The following TMIGD3 variants were observed in gnomAD, a reference collection of about 807,000 sequenced individuals.
The protein encoded by TMIGD3 is AD026 protein (AD026).
Under a neutral mutation model 28.1 loss-of-function variants are expected in TMIGD3, and 21 were observed. The observed-to-expected ratio is 0.75, with a 90% CI of 0.53 to 1.08. TMIGD3 has a LOEUF of 1.08. TMIGD3 is among the 50% of genes least tolerant of loss of function. The pLI, the probability that TMIGD3 is intolerant of heterozygous loss-of-function variation, is 0.00. For synonymous variants in TMIGD3, 151 were observed against 162.1 expected, an observed-to-expected ratio of 0.93 and a Z score of 0.52; for missense variants, 416 against 435.6, an observed-to-expected ratio of 0.96 and a Z score of 0.40.
At chr1:111,549,149 T>C (rs1657151958) in intron 1 of TMIGD3, among the ~76,000 whole-genome samples, 1 of 152,168 alleles carries the variant, frequency 6.6e-6, no homozygotes, top group African/African-American at 2.4e-5. Context: ...CTTTTCCCTG[T>C]TGTCTTTGTC....
intron 4 of TMIGD3, 89 bp from the exon 5 acceptor site, chr1:111,485,929 C>CCCT: frequency 1.1e-6 from 1 of 950,134 alleles, no homozygotes; most frequent in Non-Finnish European, 1.6e-6. Flanking sequence ...GGATTTGCAC[C>CCCT]CCTGCCCACC....
chr1:111,483,805 A>AC (rs770255823), intron 5 of TMIGD3, 48 bp from the exon 6 acceptor site: 24 of 1,478,278 alleles, frequency 1.6e-5, no homozygotes, highest in Non-Finnish European at 2.2e-5. Context: ...TCTATTGCCT[A>AC]CCCCTGAAGA....
chr1:111,542,146 G>A, intron 1 of TMIGD3: 1 of 323,674 alleles, frequency 3.1e-6, no homozygotes, highest in Admixed American at 3.3e-5. Context: ...GAACTATCAT[G>A]TTTTTAATTG....
chr1:111,519,138 C>T (rs1655967527), intron 1 of TMIGD3, among the ~76,000 whole-genome samples: 1 of 152,156 alleles, frequency 6.6e-6, no homozygotes, highest in South Asian at 2.1e-4. Context: ...GAGGTTTCAC[C>T]ATGTTGGCCA....
At chr1:111,496,284 T>G (rs1057398920) in intron 1 of TMIGD3, among the ~76,000 whole-genome samples, 6 of 152,232 alleles carry the variant, frequency 3.9e-5, no homozygotes, top group Non-Finnish European at 7.3e-5. Flanking sequence ...GAAAGCCAAA[T>G]GTGTGCCCCC....
intron 1 of TMIGD3, among the ~76,000 whole-genome samples, chr1:111,563,473 G>A (rs1188784485): frequency 1.3e-5 from 2 of 152,152 alleles, no homozygotes; most frequent in Non-Finnish European, 2.9e-5. Context: ...AACCTTGAGG[G>A]ACATTCGGGA....
chr1:111,552,299 T>G (rs905909299), intron 1 of TMIGD3, among the ~76,000 whole-genome samples: 1 of 152,184 alleles, frequency 6.6e-6, no homozygotes, highest in Admixed American at 6.5e-5. Context: ...TATCTTCAAG[T>G]GGCTATCTGC....
intron 1 of TMIGD3, among the ~76,000 whole-genome samples, chr1:111,524,701 C>A (rs550059862): frequency 1.1e-3 from 164 of 152,152 alleles, no homozygotes; most frequent in African/African-American, 3.8e-3. Context: ...CTTGCTGCAA[C>A]CTCCGCCTCC....
upstream of TMIGD3, among the ~76,000 whole-genome samples, chr1:111,507,557 A>G (rs1353099862): frequency 6.6e-6 from 1 of 152,160 alleles, no homozygotes; most frequent in Non-Finnish European, 1.5e-5. Flanking sequence ...AAAAAACCCC[A>G]GTTGCCAGCC....
chr1:111,524,742 C>G (rs778160955), intron 1 of TMIGD3, among the ~76,000 whole-genome samples: 3 of 152,138 alleles, frequency 2.0e-5, no homozygotes, highest in Non-Finnish European at 4.4e-5. Flanking sequence ...GCCTCAGCCT[C>G]TCGAGTAGCT....
intron 1 of TMIGD3, among the ~76,000 whole-genome samples, chr1:111,563,672 C>T (rs1657835721): frequency 6.6e-6 from 1 of 152,182 alleles, no homozygotes; most frequent in Non-Finnish European, 1.5e-5. Flanking sequence ...TATATTATGT[C>T]ACATCATCTT....
At chr1:111,541,796 A>G (rs141337976) in intron 1 of TMIGD3, among the ~76,000 whole-genome samples, 64 of 152,318 alleles carry the variant, frequency 4.2e-4, no homozygotes, top group African/African-American at 1.5e-3. Context: ...AGAGCCTGAG[A>G]AGTTGAAGAC....
intron 1 of TMIGD3, among the ~76,000 whole-genome samples, chr1:111,533,909 A>T (rs887352132): frequency 3.3e-5 from 5 of 152,228 alleles, no homozygotes; most frequent in Middle Eastern, 3.4e-3. Flanking sequence ...TTGAGTTTGA[A>T]TTCTGACTTG....
At chr1:111,512,120 GCACACAGCTGA>G (rs1460674030) in intron 1 of TMIGD3, among the ~76,000 whole-genome samples, 1 of 152,222 alleles carries the variant, frequency 6.6e-6, no homozygotes, top group Non-Finnish European at 1.5e-5. Flanking sequence ...CTCCAATCAA[GCACACAGCTGA>G]CCCTTCCTTC....
Position 111,488,949 on chromosome 1 carries a change from G to A in TMIGD3, c.533C>T (p.Ala178Val). 1 of 1,614,182 alleles carries A rather than the reference G, an allele frequency of 6.2e-7. No individual in the cohort carries two copies. The highest frequency in any genetic ancestry group is 1.1e-5 in the South Asian group (1 of 91,082). The change falls in exon 3 of 6, where the codon GCC becomes GTC. Residue 178 changes from alanine (A) to valine (V), a missense_variant. Ala to Val is a moderately conservative substitution (Grantham distance 64). Transcript: ENST00000369716. ...GTATTTGGGGTGATTCTTGTAGTGG[G>A]CATTGTAGTTGCAGATGGCAGAAGC... ...DTASAICNYN[A>V]HYKNHPKYWC...
rs201564618 is a variant in TMIGD3, at chr1:111,523,439, A to AT, written c.108-32678dup. On this transcript the variant is annotated intron_variant, in intron 1 of 5. Transcript: ENST00000369717. ...ATCTAATGACAGCTATTGGTCTATG[A>AT]TTTTTTTTTCCTGTAATGTCGTCTG... is the stretch of plus-strand genomic sequence containing the variant. 5.5e-4 allele frequency among the ~76,000 whole-genome samples: 83 copies of AT among 151,482 alleles called. 1 individual carries two copies. The highest frequency in any genetic ancestry group is 1.7e-3 in the African/African-American group (71 of 41,318).
At chr1:111,516,114 T>C (rs1475086813) in intron 1 of TMIGD3, among the ~76,000 whole-genome samples, 1 of 152,236 alleles carries the variant, frequency 6.6e-6, no homozygotes, top group Non-Finnish European at 1.5e-5. Context: ...TCAGCACCCC[T>C]GTTGGCAGGG....
intron 1 of TMIGD3, among the ~76,000 whole-genome samples, chr1:111,517,711 A>G (rs755155431): frequency 2.6e-5 from 4 of 152,208 alleles, no homozygotes; most frequent in Non-Finnish European, 5.9e-5. Flanking sequence ...AGTGGATTCA[A>G]TGAGATGTTA....
chr1:111,551,072 T>C (rs1657236147), intron 1 of TMIGD3, among the ~76,000 whole-genome samples: 2 of 152,364 alleles, frequency 1.3e-5, no homozygotes, highest in East Asian at 3.9e-4. Flanking sequence ...TTTGCTACTG[T>C]TTGCAGGAAA....
Sources: gnomAD v4.1 joint callset for allele counts (sites outside exome capture counted in the v4.1 genomes callset) on GRCh38, gnomAD v4.1.1 for gene constraint, MANE v1.5 for transcripts, NCBI Gene and HGNC (gene_info 2026-07-23, HGNC 2026-07-21) for gene names.